EYA4: variants seen among roughly 807,000 people sequenced by gnomAD.
EYA4 encodes protein phosphatase EYA4.
A neutral mutation model predicts 87.9 loss-of-function variants in EYA4; 31 were observed. The observed-to-expected ratio is 0.35, with a 90% confidence interval of 0.27 to 0.48. The LOEUF (loss-of-function observed/expected upper bound fraction) is 0.48. Ranked by LOEUF, EYA4 falls within the 20% of genes least tolerant of loss-of-function variation. The probability of loss-of-function intolerance (pLI) is 0.99; values close to 1 mark genes in which losing one functional copy is unlikely to be tolerated. For missense variants in EYA4, 678 were observed against 761.4 expected (o/e 0.89, Z 1.29); for synonymous variants, 263 against 270.6 (o/e 0.97, Z 0.28).
In EYA4 at chr6:133,529,983, G is replaced by A. The variant is rs974932183; in HGVS notation, c.*1178G>A. 1 of 985,270 alleles carries A rather than the reference G, an allele frequency of 1.0e-6. No individual in the cohort carries two copies. The highest frequency in any genetic ancestry group is 1.2e-6 in the Non-Finnish European group (1 of 829,928). The allele number at this position is 985,270 out of a possible 1,614,324, so 61.0% of individuals were successfully genotyped here. A position where few individuals can be genotyped will look rare whatever the true frequency, so the allele number is the denominator to read the frequency against. On this transcript the variant is annotated 3_prime_UTR_variant, in exon 20 of 20. Transcript: ENST00000355286. ...ATGAACATGGCATAAAATTCACATT[G>A]AGTGCACAGGGCTTAAAATAAAGCT...
At chr6:133,484,224 A>G (rs7750265) in intron 13 of EYA4, among the ~76,000 whole-genome samples, 9,467 of 152,284 alleles carry the variant, frequency 0.062, 935 homozygotes, top group African/African-American at 0.21. Context: ...GTCAGTTACT[A>G]TACTCAAAGT....
At chr6:133,500,937 C>A (rs73546821) in intron 13 of EYA4, among the ~76,000 whole-genome samples, 17,894 of 152,108 alleles carry the variant, frequency 0.12, 2,257 homozygotes, top group African/African-American at 0.29. Context: ...ATCAAGTGTT[C>A]CTTCTTGGCT....
chr6:133,415,106 CT>C (rs910544537), intron 3 of EYA4, among the ~76,000 whole-genome samples: 2 of 152,198 alleles, frequency 1.3e-5, no homozygotes, highest in African/African-American at 2.4e-5. Context: ...TCACATCCAG[CT>C]TTCAAACTCA....
chr6:133,324,904 A>ATTTTTTTTT lies in EYA4; in HGVS notation c.33+50107_33+50115dup, dbSNP rs756478373. Among the ~76,000 whole-genome samples, 6 of 83,580 alleles carry ATTTTTTTTT rather than the reference A, an allele frequency of 7.2e-5. 1 individual carries two copies. The highest frequency in any genetic ancestry group is 1.6e-4 in the Admixed American group (1 of 6,418). 54.8% of individuals were successfully genotyped at this position (83,580 alleles called of 152,430 possible). A position where few individuals can be genotyped will look rare whatever the true frequency, so the allele number is the denominator to read the frequency against. Reference sequence around the variant, plus strand: ...ATTTATGGAGTATATTTCAGAAGCTATTTTTTTTTTTTTTTTTTTTTTTTG... The same window carrying ATTTTTTTTT: ...ATTTATGGAGTATATTTCAGAAGCTATTTTTTTTTTTTTTTTTTTTTTTTTTTTTTTTTG... On this transcript the variant is annotated intron_variant, in intron 2 of 19. Transcript: ENST00000355286.
chr6:133,366,077 G>A lies in EYA4; in HGVS notation c.34-16315G>A, dbSNP rs1184281526. On this transcript the variant is annotated intron_variant, in intron 2 of 19. Coordinates refer to ENST00000355286, the MANE Select transcript of EYA4 (RefSeq NM_004100.5). Reference sequence around the variant, plus strand: ...GGGGATTACTGTAGTAATCCAAATAGGAGATGACATTGGTTTTAACTAGAG... The same window carrying A: ...GGGGATTACTGTAGTAATCCAAATAAGAGATGACATTGGTTTTAACTAGAG... Among the ~76,000 whole-genome samples, 11 of 152,276 alleles carry A rather than the reference G, an allele frequency of 7.2e-5. No homozygotes were observed. In the South Asian group the frequency reaches 1.0e-3, roughly 14 times the overall value.
intron 3 of EYA4, among the ~76,000 whole-genome samples, chr6:133,435,734 CCTA>C (rs1195181785): frequency 3.9e-5 from 6 of 152,178 alleles, no homozygotes; most frequent in Non-Finnish European, 8.8e-5. Context: ...AGTGGCATGT[CCTA>C]CTAATTTTCA....
At chr6:133,365,208 G>A (rs566735185) in intron 2 of EYA4, among the ~76,000 whole-genome samples, 2 of 152,116 alleles carry the variant, frequency 1.3e-5, no homozygotes, top group Admixed American at 6.5e-5. Context: ...CTCACCAAGC[G>A]CCCCCAAACC....
intron 3 of EYA4, among the ~76,000 whole-genome samples, chr6:133,410,635 A>G (rs1583205608): frequency 2.5e-5 from 2 of 79,798 alleles, no homozygotes; most frequent in Non-Finnish European, 9.1e-5. Flanking sequence ...TAAGGTCTTA[A>G]TTCCTTCTAT....
intron 3 of EYA4, among the ~76,000 whole-genome samples, chr6:133,388,414 A>AG (rs1786959976): frequency 6.6e-6 from 1 of 151,598 alleles, no homozygotes; most frequent in Non-Finnish European, 1.5e-5. Flanking sequence ...CTCAAAAAAA[A>AG]AAAAAAAGTC....
chr6:133,403,702 A>G (rs931551304), intron 3 of EYA4, among the ~76,000 whole-genome samples: 2 of 152,206 alleles, frequency 1.3e-5, no homozygotes, highest in Non-Finnish European at 2.9e-5. Context: ...ATAGTCTTCT[A>G]TTTGCACATT....
intron 3 of EYA4, among the ~76,000 whole-genome samples, chr6:133,410,129 T>C (rs1450534222): frequency 6.6e-6 from 1 of 152,174 alleles, no homozygotes; most frequent in Non-Finnish European, 1.5e-5. Flanking sequence ...TATATAGATA[T>C]ATAGTCAGAT....
chr6:133,271,964 G>A (rs1168077342), intron 1 of EYA4, among the ~76,000 whole-genome samples: 1 of 152,126 alleles, frequency 6.6e-6, no homozygotes, highest in Non-Finnish European at 1.5e-5. Context: ...AGATTTCTTT[G>A]TCACCAGTTT....
chr6:133,388,437 C>G (rs571218752), intron 3 of EYA4, among the ~76,000 whole-genome samples: 17 of 150,756 alleles, frequency 1.1e-4, no homozygotes, highest in African/African-American at 4.1e-4. Flanking sequence ...AAAACATAGA[C>G]TATTGTTTCC....
intron 5 of EYA4, among the ~76,000 whole-genome samples, chr6:133,454,428 T>C (rs1019438553): frequency 4.6e-5 from 7 of 152,236 alleles, no homozygotes; most frequent in Admixed American, 2.6e-4. Context: ...TAGCTAGTGC[T>C]GCCTGAGAGG....
intron 1 of EYA4, among the ~76,000 whole-genome samples, chr6:133,262,760 A>G (rs1775897836): frequency 2.0e-5 from 3 of 152,218 alleles, no homozygotes; most frequent in Non-Finnish European, 4.4e-5. Flanking sequence ...TTTGAGTTAA[A>G]TGGACCGTTT....
At chr6:133,428,911 C>CTTTTTCTTTTTTTTTTTTT (rs1790921758) in intron 3 of EYA4, among the ~76,000 whole-genome samples, 3 of 48,230 alleles carry the variant, frequency 6.2e-5, no homozygotes, top group South Asian at 1.5e-3. Flanking sequence ...GATTTAGCTT[C>CTTTTTCTTTTTTTTTTTTT]TTTTTTTTTT....
chr6:133,512,654 G>C, intron 14 of EYA4, 67 bp from the exon 15 acceptor site: 1 of 1,268,020 alleles, frequency 7.9e-7, no homozygotes, highest in Non-Finnish European at 1.2e-6. Flanking sequence ...GAGAAGATGG[G>C]AAAACCTTCA....
intron 2 of EYA4, among the ~76,000 whole-genome samples, chr6:133,348,333 G>A (rs1434805893): frequency 7.2e-6 from 1 of 139,860 alleles, no homozygotes; most frequent in Non-Finnish European, 1.5e-5. Flanking sequence ...GAGTGCAGTG[G>A]TGCAGTCTCA....
At chr6:133,512,669 T>A (rs1211603197) in intron 14 of EYA4, 52 bp from the exon 15 acceptor site, 1 of 1,397,650 alleles carries the variant, frequency 7.2e-7, no homozygotes. Flanking sequence ...CCTTCAAGCA[T>A]GGTAACAAGC....
Sources: allele counts gnomAD v4.1 joint callset (sites outside exome capture counted in the v4.1 genomes callset), GRCh38; gene constraint gnomAD v4.1.1; transcripts MANE v1.5; gene names NCBI Gene and HGNC (gene_info 2026-07-23, HGNC 2026-07-21).